Variants in SPIDR observed in about 807,000 individuals in gnomAD.
The protein encoded by SPIDR is scaffold protein involved in DNA repair.
SPIDR carries 93 observed loss-of-function variants against 104.6 expected under a neutral mutation model. That is an observed-to-expected ratio of 0.89 (90% CI 0.75 to 1.06). SPIDR has a LOEUF of 1.06. SPIDR is among the 50% of genes least tolerant of loss of function. The pLI is 0.00. For missense variants in SPIDR, 1,154 were observed against 1,111.2 expected, an observed-to-expected ratio of 1.04 and a Z score of -0.55; for synonymous variants, 431 against 416.9, an observed-to-expected ratio of 1.03 and a Z score of -0.41.
At chr8:47,405,123 A>G (rs1421568171) in intron 6 of SPIDR, among the ~76,000 whole-genome samples, 1 of 152,030 alleles carries the variant, frequency 6.6e-6, no homozygotes, top group East Asian at 1.9e-4. Flanking sequence ...CAGACACCGC[A>G]TGTTCTCACT....
intron 7 of SPIDR, among the ~76,000 whole-genome samples, 162 bp from the exon 8 acceptor site, chr8:47,440,161 G>C (rs1554695387): frequency 6.6e-6 from 1 of 152,192 alleles, no homozygotes; most frequent in Non-Finnish European, 1.5e-5. Context: ...GTTATAGTGA[G>C]CATCGTAGTG....
At chr8:47,600,147 A>G (rs2062081155) in intron 10 of SPIDR, among the ~76,000 whole-genome samples, 1 of 152,272 alleles carries the variant, frequency 6.6e-6, no homozygotes, top group Non-Finnish European at 1.5e-5. Context: ...TTAAAAGTAT[A>G]GATGCTACTT....
chr8:47,497,996 A>T (rs945094593), intron 8 of SPIDR, among the ~76,000 whole-genome samples: 6 of 152,190 alleles, frequency 3.9e-5, no homozygotes, highest in Non-Finnish European at 8.8e-5. Context: ...TGCACAGCAG[A>T]GTTATTTAGA....
chr8:47,561,665 C>A (rs2057094650), intron 8 of SPIDR, among the ~76,000 whole-genome samples: 1 of 152,158 alleles, frequency 6.6e-6, no homozygotes, highest in Non-Finnish European at 1.5e-5. Context: ...CACCCCTGCC[C>A]CTCCTGGGAT....
At chr8:47,566,828 T>A (rs2057917124) in intron 8 of SPIDR, among the ~76,000 whole-genome samples, 1 of 152,148 alleles carries the variant, frequency 6.6e-6, no homozygotes, top group African/African-American at 2.4e-5. Context: ...TGGCCTTGAA[T>A]ATCACTTTAA....
rs563274520 is a variant in SPIDR, at chr8:47,429,679, G to C, written c.878-10644G>C. On this transcript the variant is annotated intron_variant, in intron 7 of 19. Coordinates refer to ENST00000297423, the MANE Select transcript of SPIDR (RefSeq NM_001080394.4). The stretch of plus-strand genomic sequence containing the variant: ...TGGTTCTGGTCCAAACTTGGCCAGG[G>C]CTGAAGACCTATGTGGGTTACTTCA... Among the ~76,000 whole-genome samples the C allele has an allele frequency of 2.7e-3, 418 of 152,174 alleles. 1 individual carries two copies. The highest frequency in any genetic ancestry group is 9.8e-3 in the African/African-American group (408 of 41,514).
At chr8:47,555,846 T>C (rs901282165) in intron 8 of SPIDR, among the ~76,000 whole-genome samples, 10 of 152,238 alleles carry the variant, frequency 6.6e-5, no homozygotes, top group African/African-American at 1.9e-4. Flanking sequence ...CACACTGTAA[T>C]TTCCAGCAAA....
At chr8:47,324,393 T>G (rs552326775) in intron 5 of SPIDR, among the ~76,000 whole-genome samples, 22 of 152,174 alleles carry the variant, frequency 1.4e-4, no homozygotes, top group Non-Finnish European at 2.9e-4. Context: ...TCTTCTTATG[T>G]ACAAATAGGT....
intron 10 of SPIDR, among the ~76,000 whole-genome samples, chr8:47,621,607 C>T (rs1032124167): frequency 6.6e-6 from 1 of 152,218 alleles, no homozygotes; most frequent in African/African-American, 2.4e-5. Context: ...TCAGTGCCGT[C>T]TGGCACAGAG....
At chr8:47,409,913 A>C (rs2063272678) in intron 7 of SPIDR, among the ~76,000 whole-genome samples, 1 of 152,086 alleles carries the variant, frequency 6.6e-6, no homozygotes, top group Non-Finnish European at 1.5e-5. Context: ...CTATAGTCCT[A>C]ACTACTCGAG....
intron 14 of SPIDR, among the ~76,000 whole-genome samples, chr8:47,706,391 TCAACAACAA>T (rs547604595): frequency 2.0e-5 from 3 of 152,168 alleles, no homozygotes; most frequent in East Asian, 3.9e-4. Context: ...AGACTCTGTC[TCAACAACAA>T]CAACAACAAA....
chr8:47,343,441 T>C (rs781878603), intron 5 of SPIDR, among the ~76,000 whole-genome samples: 2 of 152,140 alleles, frequency 1.3e-5, no homozygotes, highest in Non-Finnish European at 2.9e-5. Context: ...CACTGTGCAC[T>C]GGTTACCAAC....
At chr8:47,722,573 C>T (rs1259228005) in intron 16 of SPIDR, among the ~76,000 whole-genome samples, 1 of 152,144 alleles carries the variant, frequency 6.6e-6, no homozygotes, top group African/African-American at 2.4e-5. Flanking sequence ...TCTTTTATTA[C>T]ACTCTTCTTT....
At chr8:47,543,705 G>A (rs1039018950) in intron 8 of SPIDR, among the ~76,000 whole-genome samples, 1 of 152,150 alleles carries the variant, frequency 6.6e-6, no homozygotes, top group African/African-American at 2.4e-5. Context: ...TCCAGGGGTG[G>A]AATTTTTGGC....
Position 47,368,860 on chromosome 8 carries a change from G to A in SPIDR, c.526-27516G>A, listed in dbSNP as rs550613214. On this transcript the variant is annotated intron_variant, in intron 5 of 19. Coordinates refer to ENST00000297423, the MANE Select transcript of SPIDR (RefSeq NM_001080394.4). ...AAAGGGAAATAAATAGGTGAGATAC[G>A]AAGTCCCCATATGGTTGAAATGTCT... is the stretch of plus-strand genomic sequence containing the variant. Among the ~76,000 whole-genome samples, 7 of 152,276 alleles carry A rather than the reference G, an allele frequency of 4.6e-5. No homozygotes were observed. The South Asian group carries it at 6.2e-4, about 14-fold the overall frequency.
intron 5 of SPIDR, among the ~76,000 whole-genome samples, chr8:47,305,083 A>G (rs1303751412): frequency 6.6e-6 from 1 of 152,240 alleles, no homozygotes; most frequent in East Asian, 1.9e-4. Flanking sequence ...TTTCTTTGTA[A>G]GTTACCTATC....
intron 10 of SPIDR, among the ~76,000 whole-genome samples, chr8:47,645,281 G>C (rs1390222043): frequency 6.6e-6 from 1 of 152,178 alleles, no homozygotes; most frequent in Non-Finnish European, 1.5e-5. Context: ...CTCAGGGTCT[G>C]TTTTAGAGAT....
At chr8:47,293,139 T>C (rs1022431851) in intron 4 of SPIDR, among the ~76,000 whole-genome samples, 2 of 151,816 alleles carry the variant, frequency 1.3e-5, no homozygotes, top group African/African-American at 4.8e-5. Flanking sequence ...ATAGTGGCTG[T>C]TTTTTTTAAG....
At chr8:47,713,278 G>C (rs1423591981) in intron 15 of SPIDR, 3 of 668,918 alleles carry the variant, frequency 4.5e-6, no homozygotes, top group Non-Finnish European at 7.4e-6. Flanking sequence ...TTTACCCTGT[G>C]TGGATTGACT....
Sources: allele counts gnomAD v4.1 joint callset (sites outside exome capture counted in the v4.1 genomes callset), GRCh38; gene constraint gnomAD v4.1.1; transcripts MANE v1.5; gene names NCBI Gene and HGNC (gene_info 2026-07-23, HGNC 2026-07-21).